Variants in MSN observed in about 807,000 individuals in gnomAD.
MSN encodes the protein moesin, also known as epididymis luminal protein 70.
In MSN, 2 loss-of-function variants were observed where a neutral mutation model predicts 48.0. The ratio of observed to expected loss-of-function variants is 0.04; its 90% CI spans 0.02 to 0.13. MSN has a LOEUF of 0.13. Ranked by LOEUF, MSN falls within the 10% of genes least tolerant of loss-of-function variation. MSN has a pLI of 1.00. For missense variants in MSN, 267 were observed against 470.1 expected (o/e 0.57, Z 3.99); for synonymous variants, 146 against 166.9 (o/e 0.87, Z 0.97).
chrX:65,658,104 G>A (rs2070795026), intron 1 of MSN, among the ~76,000 whole-genome samples: 2 of 111,762 alleles, frequency 1.8e-5, no homozygotes, highest in South Asian at 7.5e-4. Flanking sequence ...TTTTTCCTAA[G>A]AAGTAGCTAC....
intron 1 of MSN, among the ~76,000 whole-genome samples, chrX:65,697,538 A>T (rs1264968115): frequency 9.0e-6 from 1 of 111,500 alleles, no homozygotes; most frequent in African/African-American, 3.3e-5. Flanking sequence ...TGAGTTTGTC[A>T]GGGGACCTTC....
chrX:65,728,256 A>G (rs1056785697), intron 3 of MSN, among the ~76,000 whole-genome samples: 3 of 111,465 alleles, frequency 2.7e-5, no homozygotes, highest in Admixed American at 1.9e-4. Flanking sequence ...TCCAAACTCA[A>G]TGGCTTTAGG....
intron 1 of MSN, among the ~76,000 whole-genome samples, chrX:65,631,088 C>T (rs2070553355): frequency 9.2e-6 from 1 of 108,335 alleles, no homozygotes; most frequent in Non-Finnish European, 1.9e-5. Context: ...ACCTCTATAT[C>T]CTGCTTCTTT....
chrX:65,618,728 G>A (rs1295715242), intron 1 of MSN, among the ~76,000 whole-genome samples: 14 of 109,985 alleles, frequency 1.3e-4, no homozygotes, highest in African/African-American at 4.3e-4. Context: ...ATATTGTTAT[G>A]TGTGAATTTG....
intron 1 of MSN, among the ~76,000 whole-genome samples, chrX:65,646,778 T>A (rs755565230): frequency 1.8e-4 from 20 of 110,981 alleles, no homozygotes; most frequent in Non-Finnish European, 3.4e-4. Context: ...AAACCCCATC[T>A]CTACTAAAAA....
chrX:65,606,888 G>A (rs887807349), intron 1 of MSN, among the ~76,000 whole-genome samples: 2 of 112,452 alleles, frequency 1.8e-5, no homozygotes, highest in African/African-American at 6.5e-5. Context: ...GCAAGTTACT[G>A]TTCTAGGAGC....
intron 1 of MSN, among the ~76,000 whole-genome samples, chrX:65,592,247 G>C (rs2070153630): frequency 1.1e-5 from 1 of 95,086 alleles, no homozygotes; most frequent in African/African-American, 4.0e-5. Context: ...CCAGGCTGGA[G>C]TTCAGTGGCG....
At chrX:65,640,308 A>T (rs904614982) in intron 1 of MSN, among the ~76,000 whole-genome samples, 6 of 112,064 alleles carry the variant, frequency 5.4e-5, no homozygotes, top group African/African-American at 9.7e-5. Flanking sequence ...TGGGAGGCCA[A>T]GGTGGGTGGA....
At chrX:65,725,333 T>TC (rs1280758268) in intron 2 of MSN, among the ~76,000 whole-genome samples, 5 of 111,737 alleles carry the variant, frequency 4.5e-5, no homozygotes, top group Non-Finnish European at 1.9e-5. Context: ...AAGTCTGTTC[T>TC]CCCCCCATGA....
intron 1 of MSN, among the ~76,000 whole-genome samples, chrX:65,710,292 G>A (rs914848631): frequency 1.8e-5 from 2 of 111,941 alleles, no homozygotes; most frequent in Non-Finnish European, 1.9e-5. Flanking sequence ...TTTAGTTTTT[G>A]TGTTTTTCAG....
chrX:65,697,429 G>T (rs1292829773), intron 1 of MSN, among the ~76,000 whole-genome samples: 1 of 111,746 alleles, frequency 8.9e-6, no homozygotes, highest in Non-Finnish European at 1.9e-5. Context: ...GGGAAGACAA[G>T]GGGGAGCCAG....
In MSN at chrX:65,687,174, G is replaced by A. The variant is rs750417645; in HGVS notation, c.12+19321G>A. 2.3e-3 allele frequency among the ~76,000 whole-genome samples: 253 copies of A among 111,298 alleles called. 3 individuals carry two copies. Among genetic ancestry groups the A allele is most frequent in the African/African-American group, 8.1e-3 (249 of 30,599 alleles). On this transcript the variant is annotated intron_variant, in intron 1 of 12. Coordinates refer to ENST00000360270, the MANE Select transcript of MSN (RefSeq NM_002444.3). ...AGCCTGACCAACATGGTGAAACCCC[G>A]TCTCTACTAAAAATACTAAAAAAAT...
At chrX:65,601,055 G>T (rs1267784641) in intron 1 of MSN, among the ~76,000 whole-genome samples, 1 of 111,769 alleles carries the variant, frequency 8.9e-6, no homozygotes, top group Admixed American at 9.6e-5. Context: ...ATTTATTCAA[G>T]ATCTCACAGA....
At chrX:65,682,673 A>G (rs2071069081) in intron 1 of MSN, among the ~76,000 whole-genome samples, 1 of 112,212 alleles carries the variant, frequency 8.9e-6, no homozygotes, top group African/African-American at 3.2e-5. Flanking sequence ...CTCACCACCC[A>G]TTATATCCCC....
At chrX:65,629,547 C>T (rs1387606114) in intron 1 of MSN, among the ~76,000 whole-genome samples, 2 of 111,367 alleles carry the variant, frequency 1.8e-5, no homozygotes, top group African/African-American at 6.5e-5. Context: ...AAAGACATAC[C>T]CGAGACTGGG....
chrX:65,679,626 G>A (rs758191048), intron 1 of MSN, among the ~76,000 whole-genome samples: 1 of 112,389 alleles, frequency 8.9e-6, no homozygotes, highest in South Asian at 3.7e-4. Context: ...TAGGGAATAA[G>A]CAAGTTTATG....
At position 65,735,251 on chromosome X, in the gene MSN, G is replaced by A. The variant is rs758609743; in HGVS notation, c.796-16G>A. ...CTGTCCCTCCAAATTCTTTCTGATT[G>A]CTGATTTCCCACCAGGACTTCGTCT... On this transcript the variant is annotated splice_polypyrimidine_tract_variant and intron_variant, in intron 7 of 12. Coordinates refer to ENST00000360270, the MANE Select transcript of MSN (RefSeq NM_002444.3). 8.3e-7 allele frequency: 1 copy of A among 1,205,410 alleles called. No homozygotes were observed. The highest frequency in any genetic ancestry group is 1.7e-5 in the African/African-American group (1 of 57,241).
intron 1 of MSN, among the ~76,000 whole-genome samples, chrX:65,713,673 G>A (rs747962587): frequency 8.1e-5 from 9 of 111,702 alleles, no homozygotes; most frequent in Non-Finnish European, 1.9e-5. Flanking sequence ...TTGTCATAAG[G>A]TAAACTCATG....
rs1197225134 is a variant in MSN at position 65,739,721 on chromosome X, C to T, written c.1570-8C>T. On this transcript the variant is annotated splice_region_variant and splice_polypyrimidine_tract_variant and intron_variant, in intron 12 of 12. Coordinates refer to ENST00000360270, the MANE Select transcript of MSN (RefSeq NM_002444.3). ...CATTGACCTCTGTGTTCCCATACAT[C>T]CTCACAGGCCCTCACTTCGGAGCTG... is the stretch of plus-strand genomic sequence containing the variant. The T allele has an allele frequency of 8.3e-7, 1 of 1,202,840 alleles. No homozygotes were observed. Among genetic ancestry groups the T allele is most frequent in the South Asian group, 1.8e-5 (1 of 55,687 alleles).
Sources: allele counts gnomAD v4.1 joint callset (sites outside exome capture counted in the v4.1 genomes callset), GRCh38; gene constraint gnomAD v4.1.1; transcripts MANE v1.5; gene names NCBI Gene and HGNC (gene_info 2026-07-23, HGNC 2026-07-21).